The following DLG2 variants were observed in gnomAD, a reference collection of about 807,000 sequenced individuals.
DLG2 encodes the protein discs large MAGUK scaffold protein 2.
In DLG2, 45 loss-of-function variants were observed where a neutral mutation model predicts 132.5. That is an observed-to-expected ratio of 0.34 (90% CI 0.27 to 0.44). The LOEUF is 0.44. Among genes scored for constraint, DLG2 ranks in the 20% least tolerant of loss-of-function variants. The pLI is 1.00. For synonymous variants in DLG2, 424 were observed against 419.6 expected, an observed-to-expected ratio of 1.01 and a Z score of -0.13; for missense variants, 1,045 against 1,196.9, an observed-to-expected ratio of 0.87 and a Z score of 1.87.
intron 3 of DLG2, among the ~76,000 whole-genome samples, chr11:85,481,568 C>G (rs886390950): frequency 7.2e-5 from 11 of 152,100 alleles, no homozygotes; most frequent in African/African-American, 2.7e-4. Context: ...GATTCCAAAG[C>G]TAGGCCCACC....
chr11:85,614,340 A>C (rs2081202884), intron 2 of DLG2, among the ~76,000 whole-genome samples: 1 of 150,052 alleles, frequency 6.7e-6, no homozygotes, highest in African/African-American at 2.5e-5. Context: ...TTTAAAAATT[A>C]ACATTAAAAT....
intron 4 of DLG2, among the ~76,000 whole-genome samples, chr11:85,268,461 A>T (rs1236231599): frequency 6.6e-6 from 1 of 152,128 alleles, no homozygotes; most frequent in East Asian, 1.9e-4. Flanking sequence ...TCTCTCTAAA[A>T]TGTATAAAGC....
chr11:83,538,959 A>AATT (rs1235995613), intron 20 of DLG2, among the ~76,000 whole-genome samples: 2 of 152,216 alleles, frequency 1.3e-5, no homozygotes, highest in Non-Finnish European at 2.9e-5. Context: ...TCTTAAGTGC[A>AATT]ATTCTGTAGC....
chr11:84,714,599 TTCTCTTTCTCTTTCTC>T (rs2060911486), intron 6 of DLG2, among the ~76,000 whole-genome samples: 1 of 83,554 alleles, frequency 1.2e-5, no homozygotes, highest in Non-Finnish European at 2.3e-5. Flanking sequence ...TTCTCTTTCT[TTCTCTTTCTCTTTCTC>T]TTTCTCTTTC....
chr11:84,535,574 T>A (rs1199944003), intron 6 of DLG2, among the ~76,000 whole-genome samples: 2 of 152,124 alleles, frequency 1.3e-5, no homozygotes, highest in Non-Finnish European at 2.9e-5. Context: ...AGGTTCAGGG[T>A]TAGGAATGCT....
At chr11:84,723,076 G>A (rs149804414) in intron 6 of DLG2, among the ~76,000 whole-genome samples, 1 of 152,282 alleles carries the variant, frequency 6.6e-6, no homozygotes, top group African/African-American at 2.4e-5. Context: ...CACCTACAGA[G>A]CATCTATAAT....
chr11:83,880,168 G>T (rs1306709751), intron 15 of DLG2, among the ~76,000 whole-genome samples: 1 of 152,120 alleles, frequency 6.6e-6, no homozygotes, highest in Non-Finnish European at 1.5e-5. Context: ...TCTTACACCT[G>T]TTGGCAATGG....
intron 5 of DLG2, among the ~76,000 whole-genome samples, chr11:85,124,175 G>C (rs939724657): frequency 1.3e-5 from 2 of 152,242 alleles, no homozygotes; most frequent in Non-Finnish European, 2.9e-5. Flanking sequence ...GTTGGCACTA[G>C]CTACTCCCCT....
intron 3 of DLG2, among the ~76,000 whole-genome samples, chr11:85,437,601 T>A (rs530358002): frequency 5.9e-5 from 9 of 152,250 alleles, no homozygotes; most frequent in African/African-American, 1.7e-4. Context: ...AGAGTCTATA[T>A]TTTACAAACT....
At position 85,537,335 on chromosome 11, in the gene DLG2, G is replaced by C. The variant is rs547154483; in HGVS notation, c.40+61322C>G. ...GGCAACTGGCTCAGGTCACTTTCCA[G>C]GCTGTGGAACCTTTGTTCTTTCACT... On this transcript the variant is annotated intron_variant, in intron 3 of 27. Coordinates refer to ENST00000376104, the MANE Select transcript of DLG2 (RefSeq NM_001142699.3). Among the ~76,000 whole-genome samples, 55 of 152,318 alleles carry C rather than the reference G, an allele frequency of 3.6e-4. No individual in the cohort carries two copies. In the South Asian group the frequency reaches 8.3e-3, roughly 23 times the overall value.
At chr11:85,177,803 CA>C (rs1280874631) in intron 4 of DLG2, among the ~76,000 whole-genome samples, 15 of 151,896 alleles carry the variant, frequency 9.9e-5, no homozygotes, top group African/African-American at 3.6e-4. Context: ...AGTAATTTAA[CA>C]AATATATATT....
At chr11:84,797,143 G>C (rs940224441) in intron 6 of DLG2, among the ~76,000 whole-genome samples, 2 of 152,000 alleles carry the variant, frequency 1.3e-5, no homozygotes, top group Non-Finnish European at 2.9e-5. Context: ...CACCATGCCC[G>C]GCCTATGATT....
chr11:84,968,318 G>A (rs975465674), intron 6 of DLG2, among the ~76,000 whole-genome samples: 1 of 152,086 alleles, frequency 6.6e-6, no homozygotes, highest in Non-Finnish European at 1.5e-5. Flanking sequence ...GAAGAGAATG[G>A]AGGAGAATAT....
At chr11:84,586,287 T>C (rs893415066) in intron 6 of DLG2, among the ~76,000 whole-genome samples, 4 of 152,252 alleles carry the variant, frequency 2.6e-5, no homozygotes, top group Admixed American at 2.0e-4. Flanking sequence ...TGTATATTTA[T>C]GAAATAAGCA....
intron 7 of DLG2, among the ~76,000 whole-genome samples, chr11:84,422,068 C>T (rs1490635844): frequency 6.6e-6 from 1 of 152,212 alleles, no homozygotes; most frequent in Admixed American, 6.5e-5. Context: ...TCAAACATAT[C>T]TCTCCCTCAC....
chr11:84,427,341 C>T (rs972278379), intron 7 of DLG2, among the ~76,000 whole-genome samples: 1 of 152,074 alleles, frequency 6.6e-6, no homozygotes, highest in Non-Finnish European at 1.5e-5. Flanking sequence ...ATCATAAACC[C>T]ATGAAAAGGT....
chr11:84,380,266 A>G (rs1374419745), intron 7 of DLG2, among the ~76,000 whole-genome samples: 1 of 141,492 alleles, frequency 7.1e-6, no homozygotes, highest in Non-Finnish European at 1.5e-5. Context: ...GGGAGTCTTG[A>G]TCTAATTGAC....
At chr11:84,493,930 TG>T (rs2099172673) in intron 7 of DLG2, among the ~76,000 whole-genome samples, 1 of 152,152 alleles carries the variant, frequency 6.6e-6, no homozygotes, top group Admixed American at 6.6e-5. Flanking sequence ...GTAGAATTAA[TG>T]AGGAATTTTT....
intron 6 of DLG2, among the ~76,000 whole-genome samples, chr11:84,570,731 G>A (rs1173227499): frequency 6.6e-6 from 1 of 152,112 alleles, no homozygotes; most frequent in Non-Finnish European, 1.5e-5. Flanking sequence ...TTTCTCTAAG[G>A]ACATCTTCCT....
Sources: allele counts gnomAD v4.1 joint callset (sites outside exome capture counted in the v4.1 genomes callset), GRCh38; gene constraint gnomAD v4.1.1; transcripts MANE v1.5; gene names NCBI Gene and HGNC (gene_info 2026-07-23, HGNC 2026-07-21).